The following SLIT3 variants were observed in gnomAD, a reference collection of about 807,000 sequenced individuals.
The protein encoded by SLIT3 is slit guidance ligand 3, also known as slit homolog 3 protein.
SLIT3 carries 68 observed loss-of-function variants against 184.0 expected under a neutral mutation model. The ratio of observed to expected loss-of-function variants is 0.37; its 90% CI spans 0.30 to 0.45. The LOEUF (loss-of-function observed/expected upper bound fraction) is 0.45, where lower values mean the gene tolerates loss of function less well. SLIT3 is among the 20% of genes least tolerant of loss of function. The probability of loss-of-function intolerance (pLI) is 1.00; values close to 1 mark genes in which losing one functional copy is unlikely to be tolerated. For missense variants in SLIT3, 1,707 were observed against 2,026.0 expected (o/e 0.84, Z 3.02); for synonymous variants, 831 against 828.6 (o/e 1.00, Z -0.05).
chr5:168,696,180 C>T (rs1469256897), intron 28 of SLIT3, 112 bp downstream of exon 28: 6 of 1,352,556 alleles, frequency 4.4e-6, no homozygotes, highest in Non-Finnish European at 6.3e-6. Flanking sequence ...GTCTTGGGGT[C>T]TTAGTCTCTG....
At chr5:169,158,880 A>G (rs1762388564) in intron 4 of SLIT3, among the ~76,000 whole-genome samples, 1 of 152,272 alleles carries the variant, frequency 6.6e-6, no homozygotes, top group African/African-American at 2.4e-5. Context: ...AACCCACAAG[A>G]AAACAAGGAA....
At chr5:168,869,173 C>T (rs1233730456) in intron 5 of SLIT3, among the ~76,000 whole-genome samples, 18 of 152,164 alleles carry the variant, frequency 1.2e-4, no homozygotes, top group Admixed American at 1.2e-3. Context: ...TTTGAAACCC[C>T]ATAAAAAGAA....
In SLIT3 at chr5:169,005,728, A is replaced by G. The variant is rs1379847798; in HGVS notation, c.414-122392T>C. 2.0e-5 allele frequency among the ~76,000 whole-genome samples: 3 copies of G among 152,250 alleles called. No homozygotes were observed. The East Asian group carries it at 5.8e-4, about 29-fold the overall frequency. On this transcript the variant is annotated intron_variant, in intron 4 of 35. Transcript: ENST00000519560. ...TACTATGTTCCAGACACTTTATACT[A>G]GAGTTTCAGGTACAGCAGCAAGCAG...
intron 16 of SLIT3, among the ~76,000 whole-genome samples, chr5:168,754,936 G>T (rs935740466): frequency 2.6e-5 from 4 of 152,144 alleles, no homozygotes; most frequent in African/African-American, 9.7e-5. Context: ...AAAATATAAA[G>T]CATGCTCCCC....
chr5:168,749,336 G>C, intron 19 of SLIT3, 136 bp downstream of exon 19: 1 of 957,780 alleles, frequency 1.0e-6, no homozygotes, highest in East Asian at 2.4e-5. Flanking sequence ...CAGATCTGCA[G>C]AGCTCTCCAG....
intron 10 of SLIT3, 106 bp from the exon 11 acceptor site, chr5:168,789,737 A>G (rs932880217): frequency 3.7e-6 from 3 of 809,152 alleles, no homozygotes; most frequent in African/African-American, 3.4e-5. Context: ...GTAAGGATTA[A>G]TCAATCAATC....
chr5:168,761,111 T>C (rs910898154), intron 15 of SLIT3, among the ~76,000 whole-genome samples, 175 bp from the exon 16 acceptor site: 17 of 152,240 alleles, frequency 1.1e-4, no homozygotes, highest in African/African-American at 3.8e-4. Context: ...TGGGGAGGCA[T>C]ATGCAGTGCT....
intron 6 of SLIT3, among the ~76,000 whole-genome samples, chr5:168,842,475 T>G (rs1456144646): frequency 1.7e-4 from 22 of 131,818 alleles, no homozygotes; most frequent in Admixed American, 1.6e-3. Flanking sequence ...TTTCGTTTTT[T>G]TTTTTTTTTT....
At chr5:168,759,794 T>C (rs1331563950) in intron 16 of SLIT3, among the ~76,000 whole-genome samples, 1 of 152,170 alleles carries the variant, frequency 6.6e-6, no homozygotes. Context: ...TTCTCAAATA[T>C]GGAATCCATG....
At chr5:168,842,488 G>GTT (rs1294599549) in intron 6 of SLIT3, among the ~76,000 whole-genome samples, 1 of 87,256 alleles carries the variant, frequency 1.1e-5, no homozygotes, top group African/African-American at 3.8e-5. Context: ...TTTTTTTTTT[G>GTT]TATCTGAGTA....
intron 4 of SLIT3, chr5:169,037,542 C>G (rs2113549108): frequency 6.6e-6 from 1 of 152,368 alleles, no homozygotes; most frequent in East Asian, 1.9e-4. Flanking sequence ...CCGACACTGA[C>G]TTGACACATG....
At chr5:168,951,732 T>C (rs1009433288) in intron 4 of SLIT3, among the ~76,000 whole-genome samples, 5 of 152,138 alleles carry the variant, frequency 3.3e-5, no homozygotes, top group African/African-American at 1.2e-4. Flanking sequence ...GGAACCCTCT[T>C]CATAATAAGG....
At position 169,043,197 on chromosome 5, in the gene SLIT3, C is replaced by A. The variant is rs557695858; in HGVS notation, c.413+150282G>T. On this transcript the variant is annotated intron_variant, in intron 4 of 35. Coordinates refer to ENST00000519560, the MANE Select transcript of SLIT3 (RefSeq NM_003062.4). ...GACTTGCCCGAGGTCATACAGCCAG[C>A]GCAGACCTGGAATTCAAAGCCAAAG... is the stretch of plus-strand genomic sequence containing the variant. Among the ~76,000 whole-genome samples the A allele has an allele frequency of 1.4e-3, 207 of 152,274 alleles. 2 individuals carry two copies. Among genetic ancestry groups the A allele is most frequent in the African/African-American group, 4.7e-3 (195 of 41,550 alleles).
intron 29 of SLIT3, among the ~76,000 whole-genome samples, chr5:168,687,981 G>C (rs1761797872): frequency 6.6e-6 from 1 of 152,198 alleles, no homozygotes; most frequent in African/African-American, 2.4e-5. Flanking sequence ...TTCTAGACAA[G>C]GTTTAAAACC....
chr5:169,084,975 T>C (rs1258293468), intron 4 of SLIT3, among the ~76,000 whole-genome samples: 1 of 152,128 alleles, frequency 6.6e-6, no homozygotes, highest in Non-Finnish European at 1.5e-5. Context: ...AGCAGGAGTG[T>C]CTAATCCCTG....
rs142518305 is a variant in SLIT3, at chr5:168,841,872, C to T, written c.557+2712G>A. On this transcript the variant is annotated intron_variant, in intron 6 of 35. Transcript: ENST00000519560. ...TGCCTAATGTCAGAGAAAACATACC[C>T]GAAACATTACATTTTGTCTTCTTAA... is the stretch of plus-strand genomic sequence containing the variant. 5.6e-3 allele frequency among the ~76,000 whole-genome samples: 847 copies of T among 152,250 alleles called. 6 individuals carry two copies. Among genetic ancestry groups the T allele is most frequent in the African/African-American group, 0.019 (805 of 41,550 alleles).
At chr5:169,264,934 C>T (rs889123666) in intron 1 of SLIT3, among the ~76,000 whole-genome samples, 1 of 152,200 alleles carries the variant, frequency 6.6e-6, no homozygotes, top group African/African-American at 2.4e-5. Context: ...GCAACACTCT[C>T]GCATATATAA....
chr5:168,726,189 C>G (rs1581009169), intron 20 of SLIT3, among the ~76,000 whole-genome samples: 1 of 151,754 alleles, frequency 6.6e-6, no homozygotes, highest in Non-Finnish European at 1.5e-5. Flanking sequence ...TGCCCTCAGA[C>G]AGAAAAGCCA....
At chr5:168,797,115 C>T (rs537465032) in intron 9 of SLIT3, among the ~76,000 whole-genome samples, 2 of 152,122 alleles carry the variant, frequency 1.3e-5, no homozygotes, top group Non-Finnish European at 2.9e-5. Flanking sequence ...AGCCTGCTCA[C>T]AGAGAGCCAC....
Sources: gnomAD v4.1 joint callset for allele counts (sites outside exome capture counted in the v4.1 genomes callset) on GRCh38, gnomAD v4.1.1 for gene constraint, MANE v1.5 for transcripts, NCBI Gene and HGNC (gene_info 2026-07-23, HGNC 2026-07-21) for gene names.